Variants in KALRN observed in about 807,000 individuals in gnomAD.
KALRN encodes kalirin.
In KALRN, 70 loss-of-function variants were observed where a neutral mutation model predicts 353.7. The observed-to-expected ratio is 0.20, with a 90% CI of 0.16 to 0.24. The LOEUF is 0.24. Ranked by LOEUF, KALRN falls within the 10% of genes least tolerant of loss-of-function variation. The probability of loss-of-function intolerance (pLI) is 1.00; values close to 1 mark genes in which losing one functional copy is unlikely to be tolerated. For missense variants in KALRN, 2,791 were observed against 3,756.7 expected, an observed-to-expected ratio of 0.74 and a Z score of 6.72; for synonymous variants, 1,391 against 1,434.8, an observed-to-expected ratio of 0.97 and a Z score of 0.69.
intron 33 of KALRN, among the ~76,000 whole-genome samples, chr3:124,507,978 A>C (rs2065421824): frequency 6.6e-6 from 1 of 152,170 alleles, no homozygotes; most frequent in South Asian, 2.1e-4. Flanking sequence ...TTGGTCCCAA[A>C]ATATTTATTC....
intron 33 of KALRN, among the ~76,000 whole-genome samples, chr3:124,501,071 T>C (rs1372268093): frequency 6.6e-6 from 1 of 152,184 alleles, no homozygotes; most frequent in Non-Finnish European, 1.5e-5. Flanking sequence ...GCTGGAAACA[T>C]AAAATAAATG....
intron 1 of KALRN, among the ~76,000 whole-genome samples, chr3:124,113,859 G>A (rs1277436042): frequency 1.3e-5 from 2 of 152,198 alleles, no homozygotes; most frequent in East Asian, 1.9e-4. Context: ...CGTCAGCATC[G>A]ATAAATCATC....
chr3:124,655,195 G>A (rs2083873487), intron 38 of KALRN, among the ~76,000 whole-genome samples: 1 of 152,190 alleles, frequency 6.6e-6, no homozygotes, highest in Non-Finnish European at 1.5e-5. Context: ...CTGAAATGAA[G>A]GAAGAAAAGT....
At chr3:124,164,055 T>C (rs985817616) in intron 1 of KALRN, 1 of 827,294 alleles carries the variant, frequency 1.2e-6, no homozygotes, top group South Asian at 5.5e-5. Context: ...TCAGTTTTTA[T>C]AGCTATCACT....
intron 1 of KALRN, among the ~76,000 whole-genome samples, chr3:124,146,489 C>T (rs895674978): frequency 1.3e-5 from 2 of 151,912 alleles, no homozygotes; most frequent in Non-Finnish European, 2.9e-5. Flanking sequence ...GCAAATGGCT[C>T]GAGGAGAAGC....
chr3:124,176,417 C>G (rs571662269), intron 1 of KALRN, among the ~76,000 whole-genome samples: 2 of 152,246 alleles, frequency 1.3e-5, no homozygotes, highest in South Asian at 4.2e-4. Context: ...TCTCTGCCAC[C>G]CAACTGTGGC....
At chr3:124,696,323 T>C (rs2062048152) in intron 54 of KALRN, 68 bp downstream of exon 54, 2 of 1,470,250 alleles carry the variant, frequency 1.4e-6, no homozygotes, top group African/African-American at 1.4e-5. Flanking sequence ...CTTGCTCTGC[T>C]GCCCAGGCAT....
intron 34 of KALRN, among the ~76,000 whole-genome samples, chr3:124,626,069 A>G (rs1364683088): frequency 6.6e-6 from 1 of 152,122 alleles, no homozygotes; most frequent in African/African-American, 2.4e-5. Flanking sequence ...CAACAGAGTA[A>G]GACTCTGTCT....
intron 6 of KALRN, among the ~76,000 whole-genome samples, chr3:124,309,232 C>G (rs2078006983): frequency 6.6e-6 from 1 of 150,376 alleles, no homozygotes; most frequent in Admixed American, 6.7e-5. Context: ...AATTAATACT[C>G]ATTTTTTGTA....
chr3:124,545,278 G>C (rs1048437286), intron 33 of KALRN, among the ~76,000 whole-genome samples: 3 of 152,096 alleles, frequency 2.0e-5, no homozygotes, highest in Non-Finnish European at 4.4e-5. Context: ...TAAATATTGA[G>C]GTCTCTTATG....
At chr3:124,484,608 CAG>C (rs2062351401) in intron 28 of KALRN, among the ~76,000 whole-genome samples, 5 of 152,152 alleles carry the variant, frequency 3.3e-5, no homozygotes, top group Middle Eastern at 3.4e-3. Context: ...GATCTCAGGA[CAG>C]GGGTGTAGGG....
At chr3:124,285,645 C>T (rs1031985546) in intron 5 of KALRN, among the ~76,000 whole-genome samples, 3 of 152,174 alleles carry the variant, frequency 2.0e-5, no homozygotes, top group Non-Finnish European at 2.9e-5. Context: ...AAGTGATTCT[C>T]CTGCCTCAAC....
At chr3:124,431,694 CT>C (rs1009950167) in intron 16 of KALRN, among the ~76,000 whole-genome samples, 1 of 151,788 alleles carries the variant, frequency 6.6e-6, no homozygotes, top group Non-Finnish European at 1.5e-5. Flanking sequence ...TTATCTTTTA[CT>C]AAAAAAAAAA....
At chr3:124,388,210 C>T (rs1302848675) in intron 11 of KALRN, among the ~76,000 whole-genome samples, 1 of 152,056 alleles carries the variant, frequency 6.6e-6, no homozygotes, top group East Asian at 1.9e-4. Flanking sequence ...ATGACTATTA[C>T]AACACTCATT....
chr3:124,068,973 G>A (rs1464927246), intron 1 of KALRN, among the ~76,000 whole-genome samples: 1 of 152,186 alleles, frequency 6.6e-6, no homozygotes, highest in Admixed American at 6.5e-5. Flanking sequence ...GATGTAAAGT[G>A]GGTGTCTGAC....
At chr3:124,393,678 T>C (rs963457566) in intron 11 of KALRN, among the ~76,000 whole-genome samples, 1 of 152,228 alleles carries the variant, frequency 6.6e-6, no homozygotes, top group Non-Finnish European at 1.5e-5. Context: ...AGAAAATAGT[T>C]CAGTCCTCAC....
chr3:124,267,268 G>C (rs13064819), intron 4 of KALRN, among the ~76,000 whole-genome samples: 29,352 of 152,126 alleles, frequency 0.19, 2,911 homozygotes, highest in South Asian at 0.29. Flanking sequence ...ATTTGAAGGA[G>C]AAAGTACTTT....
At chr3:124,584,279 C>T (rs747348709) in intron 34 of KALRN, among the ~76,000 whole-genome samples, 6 of 151,986 alleles carry the variant, frequency 3.9e-5, no homozygotes, top group Non-Finnish European at 8.8e-5. Context: ...GGGTTGGGGA[C>T]GGTGTTTTCA....
chr3:124,178,195 G>A (rs1482499046), intron 1 of KALRN, among the ~76,000 whole-genome samples: 1 of 152,148 alleles, frequency 6.6e-6, no homozygotes, highest in Admixed American at 6.5e-5. Flanking sequence ...CCCCTTTTCT[G>A]CGGGTGATAC....
Sources: allele counts gnomAD v4.1 joint callset (sites outside exome capture counted in the v4.1 genomes callset), GRCh38; gene constraint gnomAD v4.1.1; transcripts MANE v1.5; gene names NCBI Gene and HGNC (gene_info 2026-07-23, HGNC 2026-07-21).